Variants in NDC80 observed in about 807,000 individuals in gnomAD.
NDC80 encodes the protein kinetochore protein NDC80 homolog.
Under a neutral mutation model 89.3 loss-of-function variants are expected in NDC80, and 69 were observed. That is an observed-to-expected ratio of 0.77 (90% CI 0.64 to 0.94). NDC80 has a LOEUF of 0.94. Ranked by LOEUF, NDC80 falls within the 40% of genes least tolerant of loss-of-function variation. The pLI is 0.00. For missense variants in NDC80, 593 were observed against 739.6 expected (o/e 0.80, Z 2.30); for synonymous variants, 243 against 255.6 (o/e 0.95, Z 0.47).
At chr18:2,579,674 G>A (rs1226207228) in intron 6 of NDC80, among the ~76,000 whole-genome samples, 11 of 152,100 alleles carry the variant, frequency 7.2e-5, no homozygotes, top group East Asian at 1.9e-4. Flanking sequence ...TGATCTGCCC[G>A]CCTCAGCCTC....
At chr18:2,576,536 T>C (rs2072547160) in intron 3 of NDC80, among the ~76,000 whole-genome samples, 1 of 152,200 alleles carries the variant, frequency 6.6e-6, no homozygotes, top group Non-Finnish European at 1.5e-5. Context: ...AATAACATCT[T>C]AGTTTTATCA....
chr18:2,579,894 T>G (rs2072567390), intron 6 of NDC80, among the ~76,000 whole-genome samples: 1 of 152,342 alleles, frequency 6.6e-6, no homozygotes, highest in African/African-American at 2.4e-5. Context: ...ATTGTTGTTT[T>G]AAAATCTTTA....
At chr18:2,615,664 C>T (rs1277106617) in intron 16 of NDC80, among the ~76,000 whole-genome samples, 1 of 152,178 alleles carries the variant, frequency 6.6e-6, no homozygotes, top group Non-Finnish European at 1.5e-5. Context: ...ACTCAGCCTA[C>T]TATACCTGGG....
At chr18:2,589,030 G>A (rs1169370674) in intron 8 of NDC80, among the ~76,000 whole-genome samples, 174 bp from the exon 9 acceptor site, 1 of 152,080 alleles carries the variant, frequency 6.6e-6, no homozygotes, top group South Asian at 2.1e-4. Flanking sequence ...GAGAGTCGAA[G>A]TACGGTGGAG....
chr18:2,599,240 T>C (rs151139310), intron 12 of NDC80, 69 bp downstream of exon 12: 37,356 of 1,353,426 alleles, frequency 0.028, 638 homozygotes, highest in Middle Eastern at 0.056. Context: ...GTTTGAACTT[T>C]GGCTTGTTCA....
At chr18:2,598,980 G>T in intron 11 of NDC80, 39 bp from the exon 12 acceptor site, 1 of 1,474,012 alleles carries the variant, frequency 6.8e-7, no homozygotes, top group Non-Finnish European at 9.0e-7. Flanking sequence ...ATATGGAATG[G>T]GGCTGCTTTA....
At chr18:2,596,118 C>T (rs2072654550) in intron 11 of NDC80, among the ~76,000 whole-genome samples, 1 of 152,094 alleles carries the variant, frequency 6.6e-6, no homozygotes, top group African/African-American at 2.4e-5. Context: ...TATAGTACAC[C>T]TAGCCCAAAT....
In NDC80 at chr18:2,589,274, G is replaced by C. The variant is rs560940909; in HGVS notation, c.834G>C (p.Gln278His). ...CAAAAAACAGAGCATTGAATGAACA[G>C]ATTGCAAGATTGGAACAAGAAAGAG... ...LEAKNRALNE[Q>H]IARLEQEREK... Residue 278 changes from glutamine to histidine, a missense_variant, in exon 9 of 17, where the codon CAG becomes CAC. Transcript: ENST00000261597. 6.2e-7 allele frequency: 1 copy of C among 1,613,720 alleles called. No individual in the cohort carries two copies. Among genetic ancestry groups the C allele is most frequent in the Admixed American group, 1.7e-5 (1 of 60,006 alleles).
chr18:2,614,880 T>G (rs1038633798), intron 16 of NDC80: 1 of 152,356 alleles, frequency 6.6e-6, no homozygotes, highest in African/African-American at 2.4e-5. Flanking sequence ...TTGGTTAAGA[T>G]GAGGTCATGT....
chr18:2,596,228 A>T (rs2072655365), intron 11 of NDC80, among the ~76,000 whole-genome samples: 1 of 152,212 alleles, frequency 6.6e-6, no homozygotes. Flanking sequence ...GGGAAGGGTT[A>T]GCATGGCACA....
intron 16 of NDC80, among the ~76,000 whole-genome samples, chr18:2,613,009 A>G (rs1568014715): frequency 6.6e-6 from 1 of 152,236 alleles, no homozygotes; most frequent in Non-Finnish European, 1.5e-5. Context: ...TTAGATCTAA[A>G]GGTACTTTTA....
chr18:2,614,649 G>GAA lies in NDC80; in HGVS notation c.1792-1786_1792-1785dup, dbSNP rs1262196666. ...AGAAAGAAAGAAAGAAAGAAAGAAA[G>GAA]AAAGAAATAAATTTGGCAATCCGAA... On this transcript the variant is annotated intron_variant, in intron 16 of 16. Coordinates refer to ENST00000261597, the MANE Select transcript of NDC80 (RefSeq NM_006101.3). Among the ~76,000 whole-genome samples the GAA allele has an allele frequency of 3.3e-5, 3 of 90,978 alleles. 1 individual carries two copies. Among genetic ancestry groups the GAA allele is most frequent in the Non-Finnish European group, 7.4e-5 (3 of 40,778 alleles). The allele number at this position is 90,978 out of a possible 152,430, so 59.7% of individuals were successfully genotyped here. A position where few individuals can be genotyped will look rare whatever the true frequency, so the allele number is the denominator to read the frequency against.
intron 13 of NDC80, 143 bp from the exon 14 acceptor site, chr18:2,606,272 G>T: frequency 2.2e-6 from 1 of 446,244 alleles, no homozygotes; most frequent in East Asian, 3.7e-5. Flanking sequence ...AAAGTTTTTG[G>T]ACAAATGATA....
intron 13 of NDC80, among the ~76,000 whole-genome samples, chr18:2,605,274 A>ACGTG (rs2072704739): frequency 7.9e-6 from 1 of 127,178 alleles, no homozygotes; most frequent in Non-Finnish European, 1.6e-5. Context: ...GGCTATATGT[A>ACGTG]TGTGTGTGTG....
chr18:2,606,248 CT>C (rs1444516404), intron 13 of NDC80, among the ~76,000 whole-genome samples, 166 bp from the exon 14 acceptor site: 1 of 151,832 alleles, frequency 6.6e-6, no homozygotes, highest in Non-Finnish European at 1.5e-5. Flanking sequence ...ATTAATTTCT[CT>C]TTGGAGAATA....
At chr18:2,573,250 T>C (rs1026388257) in intron 2 of NDC80, among the ~76,000 whole-genome samples, 164 bp downstream of exon 2, 2 of 152,266 alleles carry the variant, frequency 1.3e-5, no homozygotes, top group African/African-American at 4.8e-5. Context: ...AAAGTGGGCA[T>C]GATACTCTGC....
At chr18:2,603,351 T>TTTTATATATATATATATATATATATA (rs1808476826) in intron 13 of NDC80, among the ~76,000 whole-genome samples, 1 of 80,916 alleles carries the variant, frequency 1.2e-5, no homozygotes, top group African/African-American at 5.0e-5. Context: ...GAGAATATGT[T>TTTTATATATATATATATATATATATA]TATACATATA....
At chr18:2,578,845 A>T in intron 5 of NDC80, 82 bp from the exon 6 acceptor site, 6 of 817,944 alleles carry the variant, frequency 7.3e-6, no homozygotes, top group Non-Finnish European at 1.0e-5. Context: ...GGAATTTTTT[A>T]AATGTAACTT....
In NDC80 at chr18:2,608,712, G is replaced by A. The variant is rs1480710227; in HGVS notation, c.1570G>A (p.Glu524Lys). The change falls in exon 15 of 17, where the codon GAG (glutamate) becomes AAG (lysine). Residue 524 changes from glutamate (E) to lysine (K), a missense_variant. Physicochemically the swap from Glu to Lys is moderately conservative, Grantham distance 56. Transcript: ENST00000261597. ...TTTATCCTGATAGGAAGCAGAGGAA[G>A]AGGATGAAAAATGTGCCAGTGAGCT... is the stretch of plus-strand genomic sequence containing the variant. Reference protein sequence around the residue: ...YQQKIKEAEEEDEKCASELES... With the variant: ...YQQKIKEAEEKDEKCASELES... 3 of 1,612,162 alleles carry A rather than the reference G, an allele frequency of 1.9e-6. No homozygotes were observed. Among genetic ancestry groups the A allele is most frequent in the Admixed American group, 3.3e-5 (2 of 59,980 alleles).
Sources: gnomAD v4.1 joint callset for allele counts (sites outside exome capture counted in the v4.1 genomes callset) on GRCh38, gnomAD v4.1.1 for gene constraint, MANE v1.5 for transcripts, NCBI Gene and HGNC (gene_info 2026-07-23, HGNC 2026-07-21) for gene names.